The following KCNMB2 variants were observed in gnomAD, a reference collection of about 807,000 sequenced individuals.
KCNMB2 encodes calcium-activated potassium channel subunit beta-2.
KCNMB2 carries 9 observed loss-of-function variants against 24.5 expected under a neutral mutation model. That is an observed-to-expected ratio of 0.37 (90% CI 0.22 to 0.64). KCNMB2 has a LOEUF of 0.64. KCNMB2 is among the 30% of genes least tolerant of loss of function. The pLI is 0.63. For synonymous variants in KCNMB2, 109 were observed against 104.4 expected (o/e 1.04, Z -0.27); for missense variants, 226 against 284.3 (o/e 0.79, Z 1.47).
intron 1 of KCNMB2, among the ~76,000 whole-genome samples, chr3:178,557,699 C>T (rs1716171335): frequency 6.6e-6 from 1 of 152,156 alleles, no homozygotes; most frequent in Non-Finnish European, 1.5e-5. Flanking sequence ...GTTAATAGAG[C>T]TTTAGTGAAG....
intron 1 of KCNMB2, among the ~76,000 whole-genome samples, chr3:178,738,913 G>A (rs1314369350): frequency 2.0e-5 from 3 of 150,228 alleles, no homozygotes; most frequent in Non-Finnish European, 4.4e-5. Context: ...AGTCCATGAT[G>A]TGCCTGCAAT....
chr3:178,800,522 G>A (rs184707712), intron 1 of KCNMB2, among the ~76,000 whole-genome samples: 274 of 152,154 alleles, frequency 1.8e-3, no homozygotes, highest in Non-Finnish European at 2.9e-3. Flanking sequence ...AAAAGACAGG[G>A]AATAACAAAT....
intron 1 of KCNMB2, among the ~76,000 whole-genome samples, chr3:178,568,798 GATAGATAGATAGATAGATA>G (rs1560112180): frequency 6.6e-5 from 6 of 90,914 alleles, no homozygotes; most frequent in African/African-American, 2.3e-4. Flanking sequence ...TAGATAGATA[GATAGATAGATAGATAGATA>G]ATAGATAGAT....
At chr3:178,765,822 C>A (rs75197467) in intron 1 of KCNMB2, among the ~76,000 whole-genome samples, 21,488 of 152,138 alleles carry the variant, frequency 0.14, 1,852 homozygotes, top group Admixed American at 0.18. Context: ...GTTCATCGAG[C>A]CCTCAATCCC....
chr3:178,798,448 A>C (rs1473602336), intron 1 of KCNMB2, among the ~76,000 whole-genome samples: 4 of 152,138 alleles, frequency 2.6e-5, no homozygotes, highest in African/African-American at 9.7e-5. Flanking sequence ...AGCACTATTC[A>C]CAACAGCAAA....
At chr3:178,717,456 T>C (rs1265794531) in intron 1 of KCNMB2, among the ~76,000 whole-genome samples, 1 of 152,162 alleles carries the variant, frequency 6.6e-6, no homozygotes, top group African/African-American at 2.4e-5. Flanking sequence ...CAGTTAATGA[T>C]GAAGCCTAAT....
At chr3:178,642,519 A>G (rs1326029756) in intron 1 of KCNMB2, among the ~76,000 whole-genome samples, 4 of 152,222 alleles carry the variant, frequency 2.6e-5, no homozygotes, top group Non-Finnish European at 5.9e-5. Flanking sequence ...GCTACCTTTT[A>G]TAATTTTCAA....
At chr3:178,738,482 CT>C (rs1208989954) in intron 1 of KCNMB2, among the ~76,000 whole-genome samples, 1 of 152,206 alleles carries the variant, frequency 6.6e-6, no homozygotes, top group African/African-American at 2.4e-5. Flanking sequence ...TCTACATGAC[CT>C]GGCAGCTTCA....
chr3:178,539,929 G>T (rs755158700), intron 1 of KCNMB2, among the ~76,000 whole-genome samples: 1 of 152,062 alleles, frequency 6.6e-6, no homozygotes, highest in African/African-American at 2.4e-5. Flanking sequence ...TCAATCAAGT[G>T]TCAAGCCCTC....
intron 1 of KCNMB2, among the ~76,000 whole-genome samples, chr3:178,776,754 T>C (rs1286222893): frequency 6.6e-6 from 1 of 152,224 alleles, no homozygotes; most frequent in East Asian, 1.9e-4. Context: ...AGTTTTGCCA[T>C]CCTCAGAAGT....
intron 1 of KCNMB2, among the ~76,000 whole-genome samples, chr3:178,804,856 T>C (rs917016471): frequency 1.3e-5 from 2 of 152,234 alleles, no homozygotes; most frequent in Non-Finnish European, 2.9e-5. Context: ...CAAGTTGAAA[T>C]AACTTCTTGA....
At chr3:178,806,722 C>A (rs770676777) in intron 1 of KCNMB2, among the ~76,000 whole-genome samples, 2 of 150,762 alleles carry the variant, frequency 1.3e-5, no homozygotes. Context: ...TAATAACCCA[C>A]AACATTCTTA....
At chr3:178,586,830 C>T (rs1163108729) in intron 1 of KCNMB2, among the ~76,000 whole-genome samples, 1 of 152,044 alleles carries the variant, frequency 6.6e-6, no homozygotes, top group Non-Finnish European at 1.5e-5. Context: ...CAGGCGTGAA[C>T]CACTATGCCC....
intron 1 of KCNMB2, among the ~76,000 whole-genome samples, chr3:178,796,751 G>GT (rs1454581450): frequency 1.3e-5 from 2 of 152,066 alleles, no homozygotes; most frequent in Non-Finnish European, 2.9e-5. Flanking sequence ...AGTGAAAGCA[G>GT]TAGTAAGAGG....
At chr3:178,684,893 A>G (rs573129801) in intron 1 of KCNMB2, among the ~76,000 whole-genome samples, 1 of 152,348 alleles carries the variant, frequency 6.6e-6, no homozygotes, top group South Asian at 2.1e-4. Flanking sequence ...CTATCTCCAT[A>G]TATTCCATAA....
At chr3:178,672,874 C>A (rs1353401105) in intron 1 of KCNMB2, among the ~76,000 whole-genome samples, 1 of 152,142 alleles carries the variant, frequency 6.6e-6, no homozygotes, top group African/African-American at 2.4e-5. Flanking sequence ...CAGGGTCATA[C>A]CTCCAGGCTT....
intron 1 of KCNMB2, among the ~76,000 whole-genome samples, chr3:178,780,538 A>G (rs1712787035): frequency 6.6e-6 from 1 of 152,222 alleles, no homozygotes; most frequent in Non-Finnish European, 1.5e-5. Context: ...ATAATAAAAT[A>G]ATGGTATTAC....
intron 1 of KCNMB2, among the ~76,000 whole-genome samples, chr3:178,707,433 T>C (rs927487616): frequency 1.3e-5 from 2 of 152,236 alleles, no homozygotes; most frequent in Middle Eastern, 3.4e-3. Context: ...TGAAGTGCCA[T>C]GCTCTTGGCA....
chr3:178,755,665 C>T (rs1334698094), intron 1 of KCNMB2, among the ~76,000 whole-genome samples: 1 of 152,088 alleles, frequency 6.6e-6, no homozygotes, highest in Non-Finnish European at 1.5e-5. Flanking sequence ...CTAGGCTATG[C>T]AAAGGACATT....
Sources: gnomAD v4.1 joint callset for allele counts (sites outside exome capture counted in the v4.1 genomes callset) on GRCh38, gnomAD v4.1.1 for gene constraint, MANE v1.5 for transcripts, NCBI Gene and HGNC (gene_info 2026-07-23, HGNC 2026-07-21) for gene names.